The following AMPH variants were observed in gnomAD, a reference collection of about 807,000 sequenced individuals.
The protein encoded by AMPH is amphiphysin.
In AMPH, 49 loss-of-function variants were observed where a neutral mutation model predicts 99.1. The observed-to-expected ratio is 0.49, with a 90% CI of 0.39 to 0.63. The LOEUF (loss-of-function observed/expected upper bound fraction) is 0.63. Among genes scored for constraint, AMPH ranks in the 20% least tolerant of loss-of-function variants. AMPH has a pLI of 0.00. For missense variants in AMPH, 759 were observed against 863.4 expected (o/e 0.88, Z 1.52); for synonymous variants, 314 against 317.3 (o/e 0.99, Z 0.11).
intron 1 of AMPH, among the ~76,000 whole-genome samples, chr7:38,541,263 C>A (rs183357861): frequency 0.017 from 1,896 of 109,402 alleles, 42 homozygotes; most frequent in African/African-American, 0.055. Flanking sequence ...TAACTTATGA[C>A]TGGAGAGGCC....
chr7:38,601,023 T>A (rs1490407423), intron 1 of AMPH, among the ~76,000 whole-genome samples: 1 of 152,234 alleles, frequency 6.6e-6, no homozygotes, highest in African/African-American at 2.4e-5. Context: ...TTGAAGCTCA[T>A]TAGCACAGAG....
At chr7:38,440,299 A>T (rs78114043) in intron 11 of AMPH, among the ~76,000 whole-genome samples, 7,058 of 152,312 alleles carry the variant, frequency 0.046, 182 homozygotes, top group South Asian at 0.1. Flanking sequence ...GAAACTGCCA[A>T]CTTATAATTA....
At chr7:38,442,063 C>T (rs1208129276) in intron 11 of AMPH, among the ~76,000 whole-genome samples, 2 of 151,284 alleles carry the variant, frequency 1.3e-5, no homozygotes, top group East Asian at 3.9e-4. Context: ...AACACATGGA[C>T]ACATAAAGGG....
intron 3 of AMPH, among the ~76,000 whole-genome samples, chr7:38,500,076 C>A (rs984386982): frequency 2.6e-5 from 4 of 152,200 alleles, no homozygotes; most frequent in African/African-American, 4.8e-5. Flanking sequence ...CGGACTAACA[C>A]AGGCATATAC....
At chr7:38,492,960 C>T (rs1788782959) in intron 4 of AMPH, among the ~76,000 whole-genome samples, 1 of 152,118 alleles carries the variant, frequency 6.6e-6, no homozygotes, top group Non-Finnish European at 1.5e-5. Flanking sequence ...TGAGAAGATG[C>T]AATTACTTAA....
chr7:38,590,979 A>G (rs1792835230), intron 1 of AMPH, among the ~76,000 whole-genome samples: 1 of 152,220 alleles, frequency 6.6e-6, no homozygotes, highest in African/African-American at 2.4e-5. Context: ...TTAATACACT[A>G]ATATTGTAAG....
intron 5 of AMPH, among the ~76,000 whole-genome samples, chr7:38,488,092 C>T (rs1419476422): frequency 6.6e-6 from 1 of 152,186 alleles, no homozygotes; most frequent in Non-Finnish European, 1.5e-5. Context: ...TAAATTCGTT[C>T]AACCATTCTG....
Position 38,436,852 on chromosome 7 carries a change from T to C in AMPH, c.1018-464A>G, listed in dbSNP as rs891612927. The stretch of plus-strand genomic sequence containing the variant: ...AAATTTTAAAAGGAAGGTGCCATTG[T>C]GTACTGCTGACCACATCCCAACGGC... On this transcript the variant is annotated intron_variant, in intron 11 of 20. Transcript: ENST00000356264. Among the ~76,000 whole-genome samples, 17 of 152,360 alleles carry C rather than the reference T, an allele frequency of 1.1e-4. No homozygotes were observed. The South Asian group carries it at 2.9e-3, about 26-fold the overall frequency.
intron 2 of AMPH, among the ~76,000 whole-genome samples, chr7:38,525,271 TATATATAGAGAGAGAGAGAG>T (rs1790128674): frequency 1.4e-5 from 1 of 71,338 alleles, no homozygotes. Flanking sequence ...TATATATATA[TATATATAGAGAGAGAGAGAG>T]AGAGAGAGAG....
chr7:38,536,669 C>T (rs1034935228), intron 1 of AMPH, among the ~76,000 whole-genome samples: 5 of 151,848 alleles, frequency 3.3e-5, no homozygotes, highest in African/African-American at 1.2e-4. Context: ...ACCAATACTA[C>T]ATGTAAGTAA....
chr7:38,473,931 G>T (rs534923900), intron 7 of AMPH, among the ~76,000 whole-genome samples: 9 of 151,938 alleles, frequency 5.9e-5, no homozygotes, highest in African/African-American at 2.2e-4. Context: ...AATCCTCTCT[G>T]GGGGAGAGAA....
In AMPH at chr7:38,523,213, G is replaced by C. The variant is rs375519882; in HGVS notation, c.150+11718C>G. Among the ~76,000 whole-genome samples the C allele has an allele frequency of 2.3e-4, 35 of 152,130 alleles. 1 individual carries two copies. The South Asian group carries it at 6.8e-3, about 30-fold the overall frequency. The stretch of plus-strand genomic sequence containing the variant: ...AGATAGATAGATAATATAGATGTCT[G>C]TGTGTATAAATACTTGTATATACAC... On this transcript the variant is annotated intron_variant, in intron 2 of 20. Transcript: ENST00000356264.
intron 1 of AMPH, among the ~76,000 whole-genome samples, chr7:38,575,051 T>TAAAAAA (rs3056279): frequency 9.5e-6 from 1 of 105,288 alleles, no homozygotes; most frequent in East Asian, 3.0e-4. Flanking sequence ...AGACTCTGTC[T>TAAAAAA]AAAAAAAAAA....
Position 38,384,893 on chromosome 7 carries a change from T to G in AMPH, c.2013A>C (p.Ser671=), listed in dbSNP as rs1784309352. ...DAGWLVGVKE[S]DWLQYRDLAT... is the part of the protein sequence containing the mutation. ...CAAGGTCTCTGTACTGAAGCCAGTC[T>G]GATTCCTTCACTCCCACCAGCCAGC... Residue 671 remains serine, a synonymous_variant, in exon 21 of 21, where the codon TCA becomes TCC. Coordinates refer to ENST00000356264, the MANE Select transcript of AMPH (RefSeq NM_001635.4). 6.2e-7 allele frequency: 1 copy of G among 1,613,940 alleles called. No homozygotes were observed. Among genetic ancestry groups the G allele is most frequent in the Non-Finnish European group, 8.5e-7 (1 of 1,179,870 alleles).
At chr7:38,611,829 A>C (rs914054730) in intron 1 of AMPH, among the ~76,000 whole-genome samples, 1 of 152,220 alleles carries the variant, frequency 6.6e-6, no homozygotes, top group South Asian at 2.1e-4. Context: ...AGAAGGTTTC[A>C]TTAATTCCCT....
At chr7:38,524,529 T>A (rs1790089852) in intron 2 of AMPH, among the ~76,000 whole-genome samples, 1 of 152,188 alleles carries the variant, frequency 6.6e-6, no homozygotes, top group Non-Finnish European at 1.5e-5. Flanking sequence ...ATTCACTGAC[T>A]TTGACAGAAG....
intron 2 of AMPH, among the ~76,000 whole-genome samples, chr7:38,534,431 G>A (rs1790523607): frequency 6.6e-6 from 1 of 152,200 alleles, no homozygotes; most frequent in African/African-American, 2.4e-5. Context: ...CCAACACTTT[G>A]GGAGGCCTAG....
intron 2 of AMPH, among the ~76,000 whole-genome samples, chr7:38,528,373 A>T (rs1429681785): frequency 6.6e-6 from 1 of 151,936 alleles, no homozygotes; most frequent in Non-Finnish European, 1.5e-5. Flanking sequence ...GGGTGTGGAG[A>T]TTTTTTTTCA....
rs202161048 is a variant in AMPH at position 38,454,533 on chromosome 7, TA to T, written c.1017+6749del. Reference sequence around the variant, plus strand: ...AAGTCATGATAATTCTTGAGTCAATTAAAAAAAAAAACACAAAAAACAGCCA... The same window carrying T: ...AAGTCATGATAATTCTTGAGTCAATTAAAAAAAAAACACAAAAAACAGCCA... On this transcript the variant is annotated intron_variant, in intron 11 of 20. Transcript: ENST00000356264. Among the ~76,000 whole-genome samples, 1,817 of 144,818 alleles carry T rather than the reference TA, an allele frequency of 0.013. 72 individuals carry two copies. The East Asian group carries it at 0.16, about 13-fold the overall frequency.
Sources: gnomAD v4.1 joint callset for allele counts (sites outside exome capture counted in the v4.1 genomes callset) on GRCh38, gnomAD v4.1.1 for gene constraint, MANE v1.5 for transcripts, NCBI Gene and HGNC (gene_info 2026-07-23, HGNC 2026-07-21) for gene names.